Variants in PTPRN2 observed in about 807,000 individuals in gnomAD.
PTPRN2 encodes protein tyrosine phosphatase receptor type N2, also known as receptor-type tyrosine-protein phosphatase N2.
A neutral mutation model predicts 118.8 loss-of-function variants in PTPRN2; 74 were observed. The observed-to-expected ratio is 0.62, with a 90% CI of 0.52 to 0.76. The LOEUF (loss-of-function observed/expected upper bound fraction) is 0.76. Among genes scored for constraint, PTPRN2 ranks in the 30% least tolerant of loss-of-function variants. PTPRN2 has a pLI of 0.00. For missense variants in PTPRN2, 1,481 were observed against 1,394.4 expected (o/e 1.06, Z -0.99); for synonymous variants, 641 against 608.0 (o/e 1.05, Z -0.80).
intron 2 of PTPRN2, among the ~76,000 whole-genome samples, chr7:158,489,168 G>A (rs566748237): frequency 3.9e-4 from 59 of 152,342 alleles, no homozygotes; most frequent in Admixed American, 3.4e-3. Context: ...AAACCTGGCC[G>A]GGCGCGGTGA....
chr7:158,249,122 CCA>C (rs1272166064), intron 3 of PTPRN2, among the ~76,000 whole-genome samples: 9 of 151,570 alleles, frequency 5.9e-5, no homozygotes, highest in East Asian at 2.0e-4. Flanking sequence ...CATGAACATG[CCA>C]CACACACCAC....
chr7:158,330,346 C>A (rs62480874), intron 2 of PTPRN2, among the ~76,000 whole-genome samples: 5 of 2,436 alleles, frequency 2.1e-3, no homozygotes, highest in Non-Finnish European at 3.0e-3. Context: ...CACTCTCACC[C>A]TGAGGTGACA....
chr7:158,472,282 G>T (rs1244304338), intron 2 of PTPRN2, among the ~76,000 whole-genome samples: 2 of 152,178 alleles, frequency 1.3e-5, no homozygotes, highest in African/African-American at 4.8e-5. Context: ...CTGATTGGAG[G>T]AAGGATGGGA....
Position 157,598,431 on chromosome 7 carries a change from G to A in PTPRN2, c.2419-3116C>T, listed in dbSNP as rs150881846. On this transcript the variant is annotated intron_variant, in intron 16 of 22. Coordinates refer to ENST00000389418, the MANE Select transcript of PTPRN2 (RefSeq NM_002847.5). This position sits in a 1 kb window ranked among gnomAD's most constrained non-coding sequence, Gnocchi z 5.2. ...GGGAGTGAGGAGCTTGGACGTCGGC[G>A]TCTCCGGGCCTCAGTCTCCATATCT... Among the ~76,000 whole-genome samples the A allele has an allele frequency of 3.0e-3, 451 of 148,660 alleles. 8 individuals carry two copies. Among genetic ancestry groups the A allele is most frequent in the African/African-American group, 0.01 (406 of 38,668 alleles).
At chr7:158,153,829 G>A (rs1821433249) in intron 6 of PTPRN2, among the ~76,000 whole-genome samples, 1 of 151,586 alleles carries the variant, frequency 6.6e-6, no homozygotes, top group Non-Finnish European at 1.5e-5. Flanking sequence ...GTCAGATCTG[G>A]TTAGGGGTGG....
Position 157,690,959 on chromosome 7 carries a change from G to A in PTPRN2, c.1789-8022C>T, listed in dbSNP as rs951255250. The stretch of plus-strand genomic sequence containing the variant: ...CCCGGTAGGGCCGCCGGCCGCGCGC[G>A]TAGCACCAACCAGCGCGGCCGCCGC... On this transcript the variant is annotated intron_variant, in intron 12 of 22. Transcript: ENST00000389418. This position sits in a 1 kb window ranked among gnomAD's most constrained non-coding sequence, Gnocchi z 7.1. 1.4e-5 allele frequency among the ~76,000 whole-genome samples: 2 copies of A among 145,592 alleles called. No homozygotes were observed. The highest frequency in any genetic ancestry group is 3.0e-5 in the Non-Finnish European group (2 of 65,624).
chr7:158,273,084 A>G (rs1238346090), intron 3 of PTPRN2, among the ~76,000 whole-genome samples: 2 of 152,088 alleles, frequency 1.3e-5, no homozygotes, highest in Non-Finnish European at 2.9e-5. Context: ...GCCACAAGGA[A>G]GACAAGACCC....
chr7:157,796,940 T>C (rs2151087422), intron 12 of PTPRN2, among the ~76,000 whole-genome samples: 1 of 152,122 alleles, frequency 6.6e-6, no homozygotes, highest in South Asian at 2.1e-4. Flanking sequence ...GACAGGAGAT[T>C]TTGGGGCACA....
rs1363260885 is a variant in PTPRN2, at chr7:157,550,002, G to A, written c.2903-983C>T. ...ATGTCCAAGCCACAGACAGGAAGAA[G>A]CCGCAGCCATTGGAACCCCAACTAC... On this transcript the variant is annotated intron_variant, in intron 21 of 22. Transcript: ENST00000389418. This position sits in a 1 kb window ranked among gnomAD's most constrained non-coding sequence, Gnocchi z 5.2. 1.3e-5 allele frequency among the ~76,000 whole-genome samples: 2 copies of A among 152,210 alleles called. No homozygotes were observed. The highest frequency in any genetic ancestry group is 1.9e-4 in the East Asian group (1 of 5,202).
chr7:158,376,301 G>T (rs144881572), intron 2 of PTPRN2, among the ~76,000 whole-genome samples: 32 of 151,456 alleles, frequency 2.1e-4, no homozygotes, highest in African/African-American at 7.8e-4. Context: ...CTGAGAGGGG[G>T]GTCAGGGGAC....
intron 3 of PTPRN2, among the ~76,000 whole-genome samples, chr7:158,315,552 C>CG (rs1292458491): frequency 1.3e-5 from 2 of 149,668 alleles, no homozygotes; most frequent in Admixed American, 6.6e-5. Flanking sequence ...GAACCCGGGA[C>CG]CCCTGAAGAA....
intron 22 of PTPRN2, among the ~76,000 whole-genome samples, chr7:157,548,155 G>T (rs1296585239): frequency 6.6e-6 from 1 of 152,204 alleles, no homozygotes; most frequent in Non-Finnish European, 1.5e-5. Context: ...GGTGGAGGTT[G>T]CAGTGAGCTG....
intron 12 of PTPRN2, among the ~76,000 whole-genome samples, chr7:157,859,843 G>GCC (rs201574979): frequency 2.6e-5 from 3 of 113,470 alleles, no homozygotes; most frequent in Admixed American, 8.9e-5. Context: ...TGCAGGGAGA[G>GCC]CCCCAGCTAC....
At position 158,521,594 on chromosome 7, in the gene PTPRN2, A is replaced by G. The variant is rs527809744; in HGVS notation, c.113-31809T>C. Among the ~76,000 whole-genome samples, 32 of 134,448 alleles carry G rather than the reference A, an allele frequency of 2.4e-4. 4 individuals carry two copies. Among genetic ancestry groups the G allele is most frequent in the African/African-American group, 8.6e-4 (31 of 36,066 alleles). 88.2% of individuals were successfully genotyped at this position (134,448 alleles called of 152,430 possible). A position where few individuals can be genotyped will look rare whatever the true frequency, so the allele number is the denominator to read the frequency against. ...GGCTCAGGGGGGAGGTCCACGTCAC[A>G]ATGGTGGACTGTCCAGGTAGTGGCT... On this transcript the variant is annotated intron_variant, in intron 1 of 22. Transcript: ENST00000389418.
intron 12 of PTPRN2, among the ~76,000 whole-genome samples, chr7:157,686,897 AT>A (rs540223846): frequency 3.0e-4 from 46 of 152,364 alleles, no homozygotes; most frequent in African/African-American, 9.4e-4. Flanking sequence ...ATTTAAAAAA[AT>A]AATCAGGAAT....
At chr7:158,500,683 C>G (rs530799918) in intron 1 of PTPRN2, among the ~76,000 whole-genome samples, 1 of 152,266 alleles carries the variant, frequency 6.6e-6, no homozygotes, top group African/African-American at 2.4e-5. Context: ...AACGTCCACC[C>G]GCTGCCTCTC....
chr7:157,815,702 T>A (rs972958181), intron 12 of PTPRN2, among the ~76,000 whole-genome samples: 47 of 152,182 alleles, frequency 3.1e-4, no homozygotes, highest in Non-Finnish European at 2.4e-4. Context: ...ATCCAAGGAC[T>A]GTTGGAGGCC....
chr7:157,838,660 C>T (rs1387677536), intron 12 of PTPRN2, among the ~76,000 whole-genome samples: 2 of 52,100 alleles, frequency 3.8e-5, no homozygotes, highest in Admixed American at 1.7e-4. Flanking sequence ...AGCTCCTCTC[C>T]GCCGTGGCTA....
At chr7:158,089,821 A>T (rs1354857304) in intron 10 of PTPRN2, among the ~76,000 whole-genome samples, 20 of 122,280 alleles carry the variant, frequency 1.6e-4, no homozygotes, top group East Asian at 3.0e-4. Flanking sequence ...GGGAGTCTTC[A>T]CACACATCCT....
Sources: allele counts gnomAD v4.1 joint callset (sites outside exome capture counted in the v4.1 genomes callset), GRCh38; gene constraint gnomAD v4.1.1; non-coding constraint Gnocchi (gnomAD v3.1); transcripts MANE v1.5; gene names NCBI Gene and HGNC (gene_info 2026-07-23, HGNC 2026-07-21).